The following JPH3 variants were observed in gnomAD, a reference collection of about 807,000 sequenced individuals.
JPH3 encodes the protein junctophilin 3, also known as junctophilin-3.
Under a neutral mutation model 59.6 loss-of-function variants are expected in JPH3, and 11 were observed. The ratio of observed to expected loss-of-function variants is 0.18; its 90% CI spans 0.12 to 0.31. The LOEUF is 0.31. Among genes scored for constraint, JPH3 ranks in the 10% least tolerant of loss-of-function variants. The probability of loss-of-function intolerance (pLI) is 1.00; values close to 1 mark genes in which losing one functional copy is unlikely to be tolerated. For missense variants in JPH3, 1,202 were observed against 1,105.7 expected (o/e 1.09, Z -1.24); for synonymous variants, 673 against 483.6 (o/e 1.39, Z -5.14).
intron 1 of JPH3, among the ~76,000 whole-genome samples, chr16:87,641,463 A>G (rs2031949185): frequency 1.3e-5 from 2 of 152,228 alleles, no homozygotes; most frequent in South Asian, 4.2e-4. Flanking sequence ...TGGGATCCCA[A>G]ACATCCTATC....
At position 87,611,515 on chromosome 16, in the gene JPH3, G is replaced by A. The variant is rs1278557138; in HGVS notation, c.382+7987G>A. Among the ~76,000 whole-genome samples, 1 of 152,156 alleles carries A rather than the reference G, an allele frequency of 6.6e-6. No homozygotes were observed. Among genetic ancestry groups the A allele is most frequent in the Non-Finnish European group, 1.5e-5 (1 of 68,022 alleles). ...CATGTGCCATCTCCCTCCTACCTAT[G>A]AATGTCACGGGTATTGTTCTGGACC... is the stretch of plus-strand genomic sequence containing the variant. On this transcript the variant is annotated intron_variant, in intron 1 of 4. Transcript: ENST00000284262. This position sits in a 1 kb window ranked among gnomAD's most constrained non-coding sequence, Gnocchi z 4.5.
intron 1 of JPH3, among the ~76,000 whole-genome samples, chr16:87,605,338 A>C (rs1469565291): frequency 1.3e-5 from 2 of 152,170 alleles, no homozygotes; most frequent in Non-Finnish European, 2.9e-5. Context: ...CTTTCATTCA[A>C]CAAATACTGA....
chr16:87,645,706 TA>T (rs1216304685), intron 2 of JPH3, among the ~76,000 whole-genome samples: 1 of 152,050 alleles, frequency 6.6e-6, no homozygotes, highest in African/African-American at 2.4e-5. Context: ...TGGGTACCTT[TA>T]GGGGTGGGTG....
chr16:87,623,505 G>A (rs1318279004), intron 1 of JPH3, among the ~76,000 whole-genome samples: 1 of 152,198 alleles, frequency 6.6e-6, no homozygotes, highest in Admixed American at 6.5e-5. Flanking sequence ...GTGGGCTTGA[G>A]GCATCTTCTA....
In JPH3 at chr16:87,644,919, C is replaced by G; in HGVS notation, c.1044C>G (p.Arg348=). 6.2e-7 allele frequency: 1 copy of G among 1,612,804 alleles called. No homozygotes were observed. Among genetic ancestry groups the G allele is most frequent in the South Asian group, 1.1e-5 (1 of 91,082 alleles). Residue 348 remains arginine, a synonymous_variant, in exon 2 of 5, where the codon CGC becomes CGG. Transcript: ENST00000284262. ...AGAACATCCTCGTCGGCGGCAAGCG[C>G]AAGAACCTCATCCCCCTGCGGGCCA... ...YKQNILVGGK[R]KNLIPLRASK...
intron 2 of JPH3, among the ~76,000 whole-genome samples, chr16:87,667,612 C>T (rs908564309): frequency 2.0e-5 from 3 of 152,204 alleles, no homozygotes; most frequent in Admixed American, 2.0e-4. Flanking sequence ...GGGTCTTAGT[C>T]CTCACCTGTG....
rs986753766 is a variant in JPH3 at position 87,611,129 on chromosome 16, A to G, written c.382+7601A>G. Among the ~76,000 whole-genome samples the G allele has an allele frequency of 6.6e-6, 1 of 152,264 alleles. No individual in the cohort carries two copies. The highest frequency in any genetic ancestry group is 6.5e-5 in the Admixed American group (1 of 15,290). ...AGATTGGAAAAAAAGAAACAAACAC[A>G]TAAAAATGAAAATGCAAGAAATAGG... On this transcript the variant is annotated intron_variant, in intron 1 of 4. Transcript: ENST00000284262. This position sits in a 1 kb window ranked among gnomAD's most constrained non-coding sequence, Gnocchi z 4.5.
intron 3 of JPH3, among the ~76,000 whole-genome samples, chr16:87,688,547 G>A (rs887769655): frequency 2.6e-5 from 4 of 151,888 alleles, no homozygotes; most frequent in African/African-American, 4.8e-5. Context: ...GAATGTCCGA[G>A]CGTGAGAGAC....
Position 87,656,663 on chromosome 16 carries a change from G to C in JPH3, c.1160+11628G>C, listed in dbSNP as rs1026066432. On this transcript the variant is annotated intron_variant, in intron 2 of 4. Transcript: ENST00000284262. ...TGCAGGAAAAACGTGCAGCTGGCGG[G>C]TCAGGGGCAGTTAGGACAGAGGACG... Among the ~76,000 whole-genome samples the C allele has an allele frequency of 2.6e-5, 4 of 152,320 alleles. No individual in the cohort carries two copies. In the East Asian group the frequency reaches 7.7e-4, roughly 29 times the overall value.
intron 1 of JPH3, among the ~76,000 whole-genome samples, chr16:87,617,062 T>C (rs1270274109): frequency 6.6e-6 from 1 of 152,046 alleles, no homozygotes; most frequent in Non-Finnish European, 1.5e-5. Flanking sequence ...CCGTCTTTAC[T>C]AAAAATGTAA....
intron 4 of JPH3, among the ~76,000 whole-genome samples, chr16:87,692,400 G>A (rs1247215254): frequency 3.3e-5 from 5 of 152,204 alleles, no homozygotes; most frequent in Non-Finnish European, 7.4e-5. Flanking sequence ...TGCCAGGCTG[G>A]GCTGAGTGCC....
chr16:87,680,355 C>CGCCCGGAAGGAAGCGGTGTGT (rs150940221), intron 2 of JPH3, among the ~76,000 whole-genome samples: 9 of 152,240 alleles, frequency 5.9e-5, no homozygotes, highest in Admixed American at 6.5e-5. Flanking sequence ...GGAGGGGCTG[C>CGCCCGGAAGGAAGCGGTGTGT]GCCCGGAAGG....
At chr16:87,692,206 T>TCTCCCTCCCCGTCTCCCTCCCC (rs1567617623) in intron 4 of JPH3, among the ~76,000 whole-genome samples, 498 of 151,486 alleles carry the variant, frequency 3.3e-3, no homozygotes, top group South Asian at 9.4e-3. Context: ...TTTCCCTCCC[T>TCTCCCTCCCCGTCTCCCTCCCC]GTCTCCCTCC....
intron 2 of JPH3, among the ~76,000 whole-genome samples, chr16:87,661,822 G>T (rs539609283): frequency 1.3e-5 from 2 of 152,204 alleles, no homozygotes; most frequent in Non-Finnish European, 1.5e-5. Context: ...GCCTCTGGGT[G>T]CAACTCAGCA....
intron 2 of JPH3, among the ~76,000 whole-genome samples, chr16:87,672,504 G>A (rs561475345): frequency 2.4e-4 from 37 of 152,370 alleles, no homozygotes; most frequent in Admixed American, 3.9e-4. Flanking sequence ...CGCACATGAC[G>A]GGGGTGGACA....
intron 1 of JPH3, among the ~76,000 whole-genome samples, chr16:87,640,065 G>A (rs1009582995): frequency 2.0e-5 from 3 of 152,262 alleles, no homozygotes; most frequent in East Asian, 1.9e-4. Context: ...GCTGAGGGGG[G>A]GCCCAATTTA....
intron 1 of JPH3, among the ~76,000 whole-genome samples, chr16:87,636,945 C>A (rs1038834991): frequency 1.3e-5 from 2 of 152,182 alleles, no homozygotes; most frequent in Non-Finnish European, 2.9e-5. Flanking sequence ...ACGCGGCTGC[C>A]TGGTTTCAGG....
At chr16:87,639,188 C>G (rs1369409029) in intron 1 of JPH3, among the ~76,000 whole-genome samples, 1 of 152,182 alleles carries the variant, frequency 6.6e-6, no homozygotes, top group African/African-American at 2.4e-5. Context: ...AAGGCAGTTA[C>G]CCTGTGATCT....
At chr16:87,666,531 A>G (rs954293572) in intron 2 of JPH3, among the ~76,000 whole-genome samples, 1 of 151,988 alleles carries the variant, frequency 6.6e-6, no homozygotes, top group Non-Finnish European at 1.5e-5. Flanking sequence ...AGCTGCAACT[A>G]CAGGTGTGCA....
Sources: allele counts gnomAD v4.1 joint callset (sites outside exome capture counted in the v4.1 genomes callset), GRCh38; gene constraint gnomAD v4.1.1; non-coding constraint Gnocchi (gnomAD v3.1); transcripts MANE v1.5; gene names NCBI Gene and HGNC (gene_info 2026-07-23, HGNC 2026-07-21).